UBXN2A: variants seen among roughly 807,000 people sequenced by gnomAD.
UBXN2A encodes the protein UBX domain protein 2A, also known as UBX domain-containing protein 2A.
A neutral mutation model predicts 28.4 loss-of-function variants in UBXN2A; 28 were observed. The ratio of observed to expected loss-of-function variants is 0.99; its 90% CI spans 0.73 to 1.35. The LOEUF is 1.35. Among genes scored for constraint, UBXN2A ranks in the 40% most tolerant of loss-of-function variants. The pLI is 0.00. For missense variants in UBXN2A, 253 were observed against 297.9 expected (o/e 0.85, Z 1.11); for synonymous variants, 97 against 103.6 (o/e 0.94, Z 0.39).
At chr2:23,973,428 T>G (rs368294215) in intron 3 of UBXN2A, among the ~76,000 whole-genome samples, 113 of 151,384 alleles carry the variant, frequency 7.5e-4, no homozygotes, top group African/African-American at 2.6e-3. Flanking sequence ...AAGCTCCGCC[T>G]CCCAGGTTCA....
intron 2 of UBXN2A, among the ~76,000 whole-genome samples, chr2:23,960,673 C>A (rs1310477542): frequency 1.3e-5 from 2 of 152,272 alleles, no homozygotes; most frequent in Middle Eastern, 3.4e-3. Context: ...CACTCTGTTG[C>A]CCAGGCTGGA....
intron 1 of UBXN2A, among the ~76,000 whole-genome samples, chr2:23,945,830 CTT>C (rs796764799): frequency 5.8e-5 from 8 of 138,714 alleles, no homozygotes; most frequent in Admixed American, 2.2e-4. Flanking sequence ...TTTTTCTTCT[CTT>C]TTTTTTTTTT....
intron 3 of UBXN2A, among the ~76,000 whole-genome samples, chr2:23,974,924 A>G (rs1237864781): frequency 6.6e-6 from 1 of 152,090 alleles, no homozygotes; most frequent in Non-Finnish European, 1.5e-5. Context: ...GCTCGCAGTG[A>G]ACCAAGATCG....
upstream of UBXN2A, among the ~76,000 whole-genome samples, chr2:23,936,097 AAC>A (rs1435510091): frequency 1.3e-5 from 2 of 152,146 alleles, no homozygotes; most frequent in Admixed American, 6.6e-5. Context: ...GCCACAATAA[AAC>A]AAAAATTTTA....
intron 2 of UBXN2A, among the ~76,000 whole-genome samples, chr2:23,959,717 A>C (rs1706808851): frequency 6.6e-6 from 1 of 152,120 alleles, no homozygotes. Context: ...CACCCAGTGG[A>C]GTCACCCAGG....
rs530753230 is a variant in UBXN2A at position 23,996,546 on chromosome 2, G to A, written c.585-3126G>A. Reference sequence around the variant, plus strand: ...GGCTGGAGTGCAGTGGCACGATCTCGGCTCACTGCAACCTCCACCTTACGG... The same window carrying A: ...GGCTGGAGTGCAGTGGCACGATCTCAGCTCACTGCAACCTCCACCTTACGG... On this transcript the variant is annotated intron_variant, in intron 6 of 6. Transcript: ENST00000309033. Among the ~76,000 whole-genome samples the A allele has an allele frequency of 9.5e-4, 140 of 146,946 alleles. 1 individual carries two copies. The highest frequency in any genetic ancestry group is 3.1e-3 in the African/African-American group (125 of 39,718).
At chr2:23,965,134 G>A (rs1365215412) in intron 2 of UBXN2A, among the ~76,000 whole-genome samples, 2 of 152,060 alleles carry the variant, frequency 1.3e-5, no homozygotes, top group African/African-American at 2.4e-5. Context: ...TCCCACCTCC[G>A]CCTCCTAAAG....
intron 6 of UBXN2A, among the ~76,000 whole-genome samples, chr2:23,996,212 G>A (rs575470214): frequency 9.2e-4 from 140 of 151,384 alleles, no homozygotes; most frequent in African/African-American, 3.1e-3. Flanking sequence ...GACTACAGGC[G>A]CGTGCCACCA....
chr2:23,952,167 A>G (rs990040022), intron 1 of UBXN2A, among the ~76,000 whole-genome samples: 8 of 151,810 alleles, frequency 5.3e-5, no homozygotes, highest in Admixed American at 2.0e-4. Flanking sequence ...GGGTTTGACC[A>G]TGTTGGCCAG....
rs536768948 is a variant in UBXN2A, at chr2:24,001,931, A to T, written c.*2064A>T. On this transcript the variant is annotated 3_prime_UTR_variant, in exon 7 of 7. Transcript: ENST00000309033. Reference sequence around the variant, plus strand: ...AGCCGAGATTGCGCCCCTGCACTCCAGCCTGGTGACGGAGCGAGACTCTTT... The same window carrying T: ...AGCCGAGATTGCGCCCCTGCACTCCTGCCTGGTGACGGAGCGAGACTCTTT... 10 of 151,786 alleles carry T rather than the reference A, an allele frequency of 6.6e-5. No homozygotes were observed. The East Asian group carries it at 1.9e-3, about 29-fold the overall frequency. 9.4% of individuals were successfully genotyped at this position (151,786 alleles called of 1,614,324 possible).
At chr2:23,968,377 G>A (rs1707259434) in intron 2 of UBXN2A, among the ~76,000 whole-genome samples, 1 of 152,086 alleles carries the variant, frequency 6.6e-6, no homozygotes, top group South Asian at 2.1e-4. Flanking sequence ...AGCATGGTTA[G>A]TTAACAGTAT....
At chr2:23,966,743 GC>G (rs1197247137) in intron 2 of UBXN2A, among the ~76,000 whole-genome samples, 1 of 136,466 alleles carries the variant, frequency 7.3e-6, no homozygotes, top group African/African-American at 2.7e-5. Context: ...GAGCCACCGC[GC>G]CCGGCCTTTT....
At chr2:23,994,600 T>G (rs1708463756) in intron 6 of UBXN2A, among the ~76,000 whole-genome samples, 2 of 152,366 alleles carry the variant, frequency 1.3e-5, no homozygotes, top group Non-Finnish European at 2.9e-5. Context: ...TTACTTTCAA[T>G]TCTACTGTCA....
Position 23,942,268 on chromosome 2 carries a change from C to T in UBXN2A, c.-15+1620C>T, listed in dbSNP as rs551489999. Among the ~76,000 whole-genome samples, 23 of 152,134 alleles carry T rather than the reference C, an allele frequency of 1.5e-4. 1 individual carries two copies. The South Asian group carries it at 4.2e-3, about 27-fold the overall frequency. On this transcript the variant is annotated intron_variant, in intron 1 of 6. Transcript: ENST00000309033. The stretch of plus-strand genomic sequence containing the variant: ...ATAAATAGGAATTAGGGGAAGATGA[C>T]TCCCAAAGGAGAGAAGAAAGGCTCA...
chr2:23,958,897 G>C (rs1476148434), intron 2 of UBXN2A, among the ~76,000 whole-genome samples: 1 of 152,122 alleles, frequency 6.6e-6, no homozygotes, highest in Non-Finnish European at 1.5e-5. Flanking sequence ...CTAGAGTGCA[G>C]TGGTGCAATC....
At chr2:23,954,162 T>G (rs1706504511) in intron 1 of UBXN2A, among the ~76,000 whole-genome samples, 1 of 152,086 alleles carries the variant, frequency 6.6e-6, no homozygotes, top group South Asian at 2.1e-4. Context: ...ACCCATTAAG[T>G]AACTGGTCCT....
At chr2:23,991,436 C>T (rs866458833) in intron 6 of UBXN2A, among the ~76,000 whole-genome samples, 6 of 150,062 alleles carry the variant, frequency 4.0e-5, no homozygotes, top group African/African-American at 1.2e-4. Flanking sequence ...CACACATATA[C>T]ATATATATAT....
chr2:23,971,295 G>C lies in UBXN2A; in HGVS notation c.61G>C (p.Asp21His). The C allele has an allele frequency of 6.4e-7, 1 of 1,566,682 alleles. No individual in the cohort carries two copies. Among genetic ancestry groups the C allele is most frequent in the Non-Finnish European group, 8.7e-7 (1 of 1,146,598 alleles). Residue 21 changes from aspartate (D) to histidine (H), a missense_variant, in exon 3 of 7, where the codon GAT (aspartate) becomes CAT (histidine). Asp to His is a moderately conservative substitution (Grantham distance 81, BLOSUM62 -1). Coordinates refer to ENST00000309033, the MANE Select transcript of UBXN2A (RefSeq NM_181713.4). The stretch of plus-strand genomic sequence containing the variant: ...GTTTAGGGTTTGTGAAACAGGATCT[G>C]ATAATCAACCTCTTGGTAATAATCA... ...KEEWVCETGS[D>H]NQPLGNNQQS...
At chr2:23,978,777 C>T (rs1279398057) in intron 4 of UBXN2A, among the ~76,000 whole-genome samples, 1 of 152,002 alleles carries the variant, frequency 6.6e-6, no homozygotes, top group Non-Finnish European at 1.5e-5. Flanking sequence ...GCCTGGCCAA[C>T]ATAGTGAAAC....
Sources: allele counts gnomAD v4.1 joint callset (sites outside exome capture counted in the v4.1 genomes callset), GRCh38; gene constraint gnomAD v4.1.1; transcripts MANE v1.5; gene names NCBI Gene and HGNC (gene_info 2026-07-23, HGNC 2026-07-21).